Variants in PDZRN3 observed in about 807,000 individuals in gnomAD.
The protein encoded by PDZRN3 is E3 ubiquitin-protein ligase PDZRN3.
A neutral mutation model predicts 85.7 loss-of-function variants in PDZRN3; 38 were observed. The observed-to-expected ratio is 0.44, with a 90% CI of 0.34 to 0.58. The LOEUF is 0.58. Among genes scored for constraint, PDZRN3 ranks in the 20% least tolerant of loss-of-function variants. PDZRN3 has a pLI of 0.01. For missense variants in PDZRN3, 1,629 were observed against 1,506.4 expected, an observed-to-expected ratio of 1.08 and a Z score of -1.35; for synonymous variants, 759 against 638.0, an observed-to-expected ratio of 1.19 and a Z score of -2.86.
chr3:73,587,262 C>T (rs80280346), intron 3 of PDZRN3, among the ~76,000 whole-genome samples: 21,194 of 152,174 alleles, frequency 0.14, 1,537 homozygotes, highest in Admixed American at 0.17. Flanking sequence ...GTAAATATCT[C>T]GCATGAAACT....
In PDZRN3 at chr3:73,384,551, T is replaced by G. The variant is rs1701312933; in HGVS notation, c.2015A>C (p.Asp672Ala). 6.2e-7 allele frequency: 1 copy of G among 1,613,556 alleles called. No homozygotes were observed. Among genetic ancestry groups the G allele is most frequent in the African/African-American group, 1.3e-5 (1 of 74,930 alleles). The change falls in exon 10 of 10, where the codon GAC becomes GCC. Residue 672 changes from aspartate (D) to alanine (A), a missense_variant. By Grantham distance (126) the Asp-to-Ala change is moderately radical (BLOSUM62 -2). Transcript: ENST00000263666. ...YGLYYPSGPL[D>A]AGKSDPESVD... ...GCTCTCAGGGTCACTCTTGCCGGCG[T>G]CCAGGGGGCCGCTAGGGTAGTACAG...
rs74823301 is a variant in PDZRN3 at position 73,572,418 on chromosome 3, G to A, written c.918+29936C>T. On this transcript the variant is annotated intron_variant, in intron 3 of 9. Transcript: ENST00000263666. ...AGTTGACATAAAAAAGTCCTGGATCGATTCATCACAGTGCTTAGAAATGTC... is the reference window on the plus strand; with the variant it reads ...AGTTGACATAAAAAAGTCCTGGATCAATTCATCACAGTGCTTAGAAATGTC... Among the ~76,000 whole-genome samples the A allele has an allele frequency of 6.2e-3, 940 of 152,278 alleles. 9 individuals carry two copies. The highest frequency in any genetic ancestry group is 0.022 in the African/African-American group (905 of 41,548).
rs113891478 is a variant in PDZRN3, at chr3:73,425,655, G to A, written c.919-21260C>T. 8.4e-4 allele frequency among the ~76,000 whole-genome samples: 127 copies of A among 151,594 alleles called. 1 individual carries two copies. The highest frequency in any genetic ancestry group is 3.4e-3 in the Middle Eastern group (1 of 292). On this transcript the variant is annotated intron_variant, in intron 3 of 9. Transcript: ENST00000263666. ...CCCAGTGAGTACTGGGGTGAAGAGC[G>A]AGGTAAGGCGGATACTTATACACTG...
chr3:73,624,928 GCTCTCCC>G lies in PDZRN3; in HGVS notation c.-110_-104del. On this transcript the variant is annotated 5_prime_UTR_variant, in exon 1 of 10. Transcript: ENST00000263666. The stretch of plus-strand genomic sequence containing the variant: ...GGCTACGCCGCCCGCGCGCTCGCTG[GCTCTCCC>G]CGGACTGAGCCTAATTGATCCAGAC... 1 of 891,394 alleles carries G rather than the reference GCTCTCCC, an allele frequency of 1.1e-6. No individual in the cohort carries two copies. Among genetic ancestry groups the G allele is most frequent in the Non-Finnish European group, 1.5e-6 (1 of 676,180 alleles). 55.2% of individuals were successfully genotyped at this position (891,394 alleles called of 1,614,324 possible). A position where few individuals can be genotyped will look rare whatever the true frequency, so the allele number is the denominator to read the frequency against.
chr3:73,450,970 C>T (rs1399754976), intron 3 of PDZRN3, among the ~76,000 whole-genome samples: 2 of 152,130 alleles, frequency 1.3e-5, no homozygotes, highest in East Asian at 1.9e-4. Flanking sequence ...TTCACCCACA[C>T]CCACCTCTAT....
At chr3:73,493,959 A>C (rs897927336) in intron 3 of PDZRN3, among the ~76,000 whole-genome samples, 5 of 152,248 alleles carry the variant, frequency 3.3e-5, no homozygotes, top group African/African-American at 1.2e-4. Context: ...TAGCACAGCT[A>C]AGTAAATTGA....
intron 3 of PDZRN3, among the ~76,000 whole-genome samples, chr3:73,471,190 G>A (rs1246603247): frequency 6.6e-6 from 1 of 152,154 alleles, no homozygotes; most frequent in Non-Finnish European, 1.5e-5. Context: ...GATGTGAAGA[G>A]ATATAGAACA....
chr3:73,419,715 G>A (rs540781960), intron 3 of PDZRN3, among the ~76,000 whole-genome samples: 30 of 152,248 alleles, frequency 2.0e-4, no homozygotes, highest in East Asian at 3.9e-4. Context: ...GTTTTGCAGC[G>A]GTACCATCCG....
chr3:73,568,558 C>T (rs1309453514), intron 3 of PDZRN3, among the ~76,000 whole-genome samples: 2 of 152,098 alleles, frequency 1.3e-5, no homozygotes, highest in African/African-American at 4.8e-5. Flanking sequence ...CTATAATGAT[C>T]AACACAAATA....
chr3:73,568,600 T>A (rs536923433), intron 3 of PDZRN3, among the ~76,000 whole-genome samples: 1 of 152,158 alleles, frequency 6.6e-6, no homozygotes, highest in African/African-American at 2.4e-5. Flanking sequence ...ATATCACGCA[T>A]GTGAGACAGA....
At chr3:73,415,570 A>G (rs1702064961) in intron 3 of PDZRN3, among the ~76,000 whole-genome samples, 2 of 152,220 alleles carry the variant, frequency 1.3e-5, no homozygotes, top group South Asian at 4.1e-4. Context: ...CATATTTAAT[A>G]GAAACTGCAC....
At chr3:73,384,969 G>GC (rs1559647782) in intron 9 of PDZRN3, 39 bp from the exon 10 acceptor site, 1 of 1,549,784 alleles carries the variant, frequency 6.5e-7, no homozygotes. Context: ...AGTGAGGGAG[G>GC]CCTGCGCAGC....
intron 3 of PDZRN3, among the ~76,000 whole-genome samples, chr3:73,528,644 CAGCCATGTTGTGAATATAATAG>C (rs1704579568): frequency 1.3e-5 from 2 of 152,062 alleles, no homozygotes; most frequent in African/African-American, 4.8e-5. Flanking sequence ...ATTATATTCA[CAGCCATGTTGTGAATATAATAG>C]AGCCATGTTG....
rs531317951 is a variant in PDZRN3 at position 73,568,449 on chromosome 3, T to C, written c.918+33905A>G. 2.5e-4 allele frequency among the ~76,000 whole-genome samples: 38 copies of C among 152,290 alleles called. 1 individual carries two copies. The South Asian group carries it at 7.7e-3, about 31-fold the overall frequency. On this transcript the variant is annotated intron_variant, in intron 3 of 9. Transcript: ENST00000263666. ...TAAAACTAGTTTTGACTTGAGAAGT[T>C]TTACAGCCTTTGAGATACCTGGAGA...
intron 3 of PDZRN3, among the ~76,000 whole-genome samples, chr3:73,489,088 G>C (rs1344053799): frequency 6.6e-6 from 1 of 151,732 alleles, no homozygotes; most frequent in African/African-American, 2.4e-5. Context: ...TACCTGGCTT[G>C]ATTTCCCCAG....
At chr3:73,423,778 C>A (rs1260564388) in intron 3 of PDZRN3, among the ~76,000 whole-genome samples, 1 of 152,136 alleles carries the variant, frequency 6.6e-6, no homozygotes, top group Non-Finnish European at 1.5e-5. Context: ...GATTTACTTT[C>A]CTTCAGAATT....
intron 3 of PDZRN3, among the ~76,000 whole-genome samples, chr3:73,421,147 T>G (rs1329938956): frequency 6.6e-6 from 1 of 152,180 alleles, no homozygotes; most frequent in East Asian, 1.9e-4. Context: ...CCCATAGATA[T>G]GAAGTGCTGA....
At chr3:73,509,615 T>C (rs576105403) in intron 3 of PDZRN3, among the ~76,000 whole-genome samples, 2 of 152,334 alleles carry the variant, frequency 1.3e-5, no homozygotes, top group East Asian at 3.9e-4. Context: ...GAAGTATCTC[T>C]CACCTGAGAT....
chr3:73,433,667 T>C, intron 3 of PDZRN3: 2 of 1,535,986 alleles, frequency 1.3e-6, no homozygotes, highest in Non-Finnish European at 1.7e-6. Flanking sequence ...TAATTTGTAC[T>C]GCTCCTCTTG....
Sources: allele counts gnomAD v4.1 joint callset (sites outside exome capture counted in the v4.1 genomes callset), GRCh38; gene constraint gnomAD v4.1.1; transcripts MANE v1.5; gene names NCBI Gene and HGNC (gene_info 2026-07-23, HGNC 2026-07-21).